The following HACD4 variants were observed in gnomAD, a reference collection of about 807,000 sequenced individuals.
The protein encoded by HACD4 is very-long-chain (3R)-3-hydroxyacyl-CoA dehydratase 4.
A neutral mutation model predicts 33.3 loss-of-function variants in HACD4; 35 were observed. The observed-to-expected ratio is 1.05, with a 90% CI of 0.80 to 1.39. The LOEUF is 1.39. Ranked by LOEUF, HACD4 falls within the 40% of genes most tolerant of loss-of-function variation. HACD4 has a pLI of 0.00. For synonymous variants in HACD4, 118 were observed against 98.0 expected (o/e 1.20, Z -1.21); for missense variants, 323 against 276.5 (o/e 1.17, Z -1.19).
At chr9:21,027,382 T>C (rs963122674) in intron 2 of HACD4, among the ~76,000 whole-genome samples, 2 of 152,202 alleles carry the variant, frequency 1.3e-5, no homozygotes, top group Non-Finnish European at 2.9e-5. Context: ...CTACATAGGA[T>C]AAATGTGTTG....
intron 3 of HACD4, among the ~76,000 whole-genome samples, chr9:21,020,690 A>G (rs1001090018): frequency 5.9e-5 from 9 of 152,126 alleles, no homozygotes; most frequent in African/African-American, 2.2e-4. Flanking sequence ...CTTCTTTTGG[A>G]CCATTTTAAC....
intron 3 of HACD4, among the ~76,000 whole-genome samples, chr9:21,025,137 A>G (rs1029131602): frequency 2.6e-5 from 4 of 152,160 alleles, no homozygotes; most frequent in African/African-American, 9.6e-5. Flanking sequence ...AGTGACTACT[A>G]TGTTATTAGT....
intron 2 of HACD4, 168 bp from the exon 3 acceptor site, chr9:21,026,891 A>G: frequency 1.7e-6 from 1 of 583,718 alleles, no homozygotes. Flanking sequence ...CAATGCAAAC[A>G]AACAAAGCAC....
chr9:21,007,116 A>T lies in HACD4; in HGVS notation c.620T>A (p.Met207Lys), dbSNP rs778267105. 1.4e-6 allele frequency: 2 copies of T among 1,462,484 alleles called. No individual in the cohort carries two copies. Among genetic ancestry groups the T allele is most frequent in the Non-Finnish European group, 1.9e-6 (2 of 1,042,142 alleles). The allele number at this position is 1,462,484 out of a possible 1,614,324, so 90.6% of individuals were successfully genotyped here. The change falls in exon 7 of 7, where the codon ATG becomes AAG. Residue 207 changes from methionine to lysine, a missense_variant. Coordinates refer to ENST00000495827, the MANE Select transcript of HACD4 (RefSeq NM_001010915.5). Reference protein sequence around the residue: ...KIYLMMLFIGMYFTYSHLYSE... With the variant: ...KIYLMMLFIGKYFTYSHLYSE... ...GTATAGATGACTGTAGGTAAAATAC[A>T]TACCTAATATGGAGAAAGAAGTTGC...
chr9:21,013,198 A>G lies in HACD4; in HGVS notation c.384-1503T>C, dbSNP rs768967907. ...CTCCTATTTTTTTTCAAAGAGTTTC[A>G]TAGTTTTCCACTTATATGTGAGTGG... On this transcript the variant is annotated intron_variant, in intron 4 of 6. Transcript: ENST00000495827. Among the ~76,000 whole-genome samples, 36 of 151,944 alleles carry G rather than the reference A, an allele frequency of 2.4e-4. 1 individual carries two copies. Among genetic ancestry groups the G allele is most frequent in the Admixed American group, 1.3e-3 (20 of 15,250 alleles).
chr9:21,016,044 C>T, intron 3 of HACD4, 34 bp from the exon 4 acceptor site: 1 of 1,420,008 alleles, frequency 7.0e-7, no homozygotes, highest in Non-Finnish European at 9.9e-7. Context: ...GAAATTAGGA[C>T]ATCTATTAGG....
chr9:21,014,805 G>C (rs909409212), intron 4 of HACD4, among the ~76,000 whole-genome samples: 8 of 152,174 alleles, frequency 5.3e-5, no homozygotes, highest in African/African-American at 1.7e-4. Flanking sequence ...GTTTCATCTA[G>C]AGAGATCTTC....
Position 21,006,111 on chromosome 9 carries a change from G to T in HACD4, c.*926C>A, listed in dbSNP as rs1011824624. On this transcript the variant is annotated 3_prime_UTR_variant, in exon 7 of 7. Transcript: ENST00000495827. The surrounding 1 kb of genome is among the most constrained non-coding windows in gnomAD (Gnocchi z 4.6). ...ATGTATGTATTTTGCATGTGAGGAG[G>T]ACATGAATTTTGTAGGACCAGGTAC... 2 of 152,154 alleles carry T rather than the reference G, an allele frequency of 1.3e-5. No individual in the cohort carries two copies. The highest frequency in any genetic ancestry group is 2.9e-5 in the Non-Finnish European group (2 of 68,040). 9.4% of individuals were successfully genotyped at this position (152,154 alleles called of 1,614,324 possible).
At chr9:21,019,795 T>G (rs1040797366) in intron 3 of HACD4, among the ~76,000 whole-genome samples, 2 of 152,140 alleles carry the variant, frequency 1.3e-5, no homozygotes, top group African/African-American at 4.8e-5. Flanking sequence ...TTATAGTTTC[T>G]TCTCTAACAA....
chr9:21,007,927 CCCAT>C, intron 6 of HACD4, 90 bp downstream of exon 6: 1 of 1,172,922 alleles, frequency 8.5e-7, no homozygotes, highest in South Asian at 2.0e-5. Flanking sequence ...TTTGGTCTCT[CCCAT>C]GTTTACCAAC....
At chr9:21,014,888 A>G (rs560551170) in intron 4 of HACD4, among the ~76,000 whole-genome samples, 2 of 152,172 alleles carry the variant, frequency 1.3e-5, no homozygotes, top group South Asian at 4.1e-4. Context: ...TTGTTCTCCA[A>G]TGTATTTATT....
At chr9:21,015,555 A>G (rs537810802) in intron 4 of HACD4, 1 of 168,756 alleles carries the variant, frequency 5.9e-6, no homozygotes, top group South Asian at 1.9e-4. Flanking sequence ...GTGATACAAT[A>G]AAAGACCTGC....
intron 3 of HACD4, among the ~76,000 whole-genome samples, chr9:21,024,731 T>G (rs1204759349): frequency 6.6e-6 from 1 of 152,198 alleles, no homozygotes; most frequent in Non-Finnish European, 1.5e-5. Context: ...TGGCAATAAT[T>G]AAATAACACT....
chr9:21,026,317 T>C (rs10757173), intron 3 of HACD4, among the ~76,000 whole-genome samples: 92,222 of 152,006 alleles, frequency 0.61, 28,628 homozygotes, highest in South Asian at 0.69. Flanking sequence ...ACCCAGGCAG[T>C]GACACAGTGA....
intron 3 of HACD4, among the ~76,000 whole-genome samples, chr9:21,024,922 A>C (rs1420013210): frequency 1.3e-5 from 2 of 152,204 alleles, no homozygotes; most frequent in African/African-American, 4.8e-5. Context: ...GTTAGTTGTT[A>C]ATTCTATTTT....
intron 1 of HACD4, among the ~76,000 whole-genome samples, chr9:21,030,528 C>T (rs771204646): frequency 2.0e-5 from 3 of 152,158 alleles, no homozygotes; most frequent in African/African-American, 4.8e-5. Context: ...ACTATGTGTT[C>T]CAGTAGCTCA....
chr9:21,010,608 T>G (rs1384823999), intron 5 of HACD4, among the ~76,000 whole-genome samples: 1 of 152,114 alleles, frequency 6.6e-6, no homozygotes, highest in Non-Finnish European at 1.5e-5. Flanking sequence ...GAAGACAGTT[T>G]TTCCACAGAC....
chr9:21,017,712 C>A (rs916483497), intron 3 of HACD4: 1 of 152,154 alleles, frequency 6.6e-6, no homozygotes, highest in African/African-American at 2.4e-5. Context: ...AACTTAGACA[C>A]CTTTCAATAA....
chr9:21,031,050 T>C (rs1263255379), intron 1 of HACD4, among the ~76,000 whole-genome samples: 2 of 152,158 alleles, frequency 1.3e-5, no homozygotes, highest in African/African-American at 4.8e-5. Context: ...CTAAAGGGTT[T>C]GGGAAGAGGA....
Sources: gnomAD v4.1 joint callset for allele counts (sites outside exome capture counted in the v4.1 genomes callset) on GRCh38, gnomAD v4.1.1 for gene constraint, Gnocchi (gnomAD v3.1) non-coding constraint, MANE v1.5 for transcripts, NCBI Gene and HGNC (gene_info 2026-07-23, HGNC 2026-07-21) for gene names.